PUM1: variants seen among roughly 807,000 people sequenced by gnomAD.
PUM1 encodes the protein pumilio RNA binding family member 1.
A neutral mutation model predicts 131.8 loss-of-function variants in PUM1; 13 were observed. The observed-to-expected ratio is 0.10, with a 90% confidence interval of 0.06 to 0.16. The LOEUF is 0.16. PUM1 is among the 10% of genes least tolerant of loss of function. The pLI, the probability that PUM1 is intolerant of heterozygous loss-of-function variation, is 1.00. For synonymous variants in PUM1, 509 were observed against 556.5 expected (o/e 0.91, Z 1.20); for missense variants, 961 against 1,512.4 (o/e 0.64, Z 6.05).
chr1:30,933,351 G>C lies in PUM1; in HGVS notation c.3436-9C>G. ...GCGATGTGGGGCCGGATCTGGGGAG[G>C]AAAGACAGTCTGTGTTACATGGCCT... On this transcript the variant is annotated splice_polypyrimidine_tract_variant and intron_variant, in intron 21 of 21. Transcript: ENST00000426105. 6.2e-7 allele frequency: 1 copy of C among 1,608,338 alleles called. No homozygotes were observed. The highest frequency in any genetic ancestry group is 2.2e-5 in the East Asian group (1 of 44,506).
intron 10 of PUM1, among the ~76,000 whole-genome samples, chr1:30,970,931 T>C (rs1170917867): frequency 6.6e-6 from 1 of 152,206 alleles, no homozygotes; most frequent in Non-Finnish European, 1.5e-5. Flanking sequence ...AAAGAGGTAG[T>C]CTAAGACTAT....
Position 30,992,573 on chromosome 1 carries a change from C to T in PUM1, c.975G>A (p.Leu325=), listed in dbSNP as rs1305191808. 2 of 1,614,070 alleles carry T rather than the reference C, an allele frequency of 1.2e-6. No individual in the cohort carries two copies. Among genetic ancestry groups the T allele is most frequent in the Non-Finnish European group, 1.7e-6 (2 of 1,180,040 alleles). ...CAGGCTTGGCACCATTGGTGCTGGT[C>T]AGCTGGGCTAAGCCCTCAGAACCAT... ...NQNGSEGLAQ[L]TSTNGAKPVE... is the part of the protein sequence containing the mutation. Residue 325 remains leucine (L), a synonymous_variant, in exon 7 of 22, where the codon CTG becomes CTA. Coordinates refer to ENST00000426105, the MANE Select transcript of PUM1 (RefSeq NM_001020658.2).
intron 14 of PUM1, among the ~76,000 whole-genome samples, chr1:30,957,755 C>CA (rs1490651980): frequency 6.6e-6 from 1 of 152,224 alleles, no homozygotes; most frequent in Admixed American, 6.5e-5. Flanking sequence ...GCCTAATGGG[C>CA]AAAGCCCTGC....
intron 10 of PUM1, among the ~76,000 whole-genome samples, chr1:30,973,861 G>A (rs1487830094): frequency 6.6e-6 from 1 of 151,922 alleles, no homozygotes; most frequent in Non-Finnish European, 1.5e-5. Context: ...AGGCCGAGGC[G>A]GGTGGATCAC....
At chr1:31,005,607 C>A (rs1179934499) in intron 5 of PUM1, among the ~76,000 whole-genome samples, 2 of 152,100 alleles carry the variant, frequency 1.3e-5, no homozygotes, top group Non-Finnish European at 2.9e-5. Flanking sequence ...GTTCTTATCT[C>A]ACAATACTAT....
intron 2 of PUM1, among the ~76,000 whole-genome samples, chr1:31,056,363 C>T (rs1433188544): frequency 6.6e-6 from 1 of 152,078 alleles, no homozygotes; most frequent in African/African-American, 2.4e-5. Flanking sequence ...TCACTGCAAC[C>T]TCCACCTCCC....
intron 2 of PUM1, among the ~76,000 whole-genome samples, chr1:31,046,212 T>G (rs975053442): frequency 1.3e-5 from 2 of 149,638 alleles, no homozygotes; most frequent in African/African-American, 4.9e-5. Flanking sequence ...GAAGGAGAAA[T>G]CCCATCTCTA....
intron 21 of PUM1, 97 bp from the exon 22 acceptor site, chr1:30,933,439 TACACACACACACACACACAC>T (rs58664754): frequency 5.2e-4 from 190 of 363,970 alleles, no homozygotes; most frequent in Middle Eastern, 8.0e-4. Flanking sequence ...CACACACACA[TACACACACACACACACACAC>T]ACACACACAC....
intron 14 of PUM1, among the ~76,000 whole-genome samples, chr1:30,957,921 C>G (rs968567623): frequency 6.6e-6 from 1 of 152,168 alleles, no homozygotes; most frequent in Non-Finnish European, 1.5e-5. Context: ...ATTAAATAAC[C>G]CTGAAAACTG....
intron 11 of PUM1, among the ~76,000 whole-genome samples, chr1:30,967,539 G>T (rs573641855): frequency 3.3e-5 from 5 of 152,180 alleles, no homozygotes; most frequent in Non-Finnish European, 5.9e-5. Context: ...CTGCAAAATA[G>T]CAGGAAAAAC....
At chr1:31,013,613 C>G (rs912583821) in intron 3 of PUM1, among the ~76,000 whole-genome samples, 4 of 152,146 alleles carry the variant, frequency 2.6e-5, no homozygotes, top group African/African-American at 9.7e-5. Flanking sequence ...GACCAACAAC[C>G]AAAACAATTA....
intron 10 of PUM1, among the ~76,000 whole-genome samples, chr1:30,970,342 A>G (rs1016161088): frequency 3.9e-5 from 6 of 152,258 alleles, no homozygotes; most frequent in Non-Finnish European, 7.3e-5. Context: ...ACTGGCAAGA[A>G]GGGATGTGTG....
intron 2 of PUM1, chr1:31,050,914 A>G: frequency 3.9e-6 from 1 of 257,130 alleles, no homozygotes. Flanking sequence ...GCAAAAATTC[A>G]GCCAGGGTTC....
intron 2 of PUM1, among the ~76,000 whole-genome samples, chr1:31,031,115 G>C (rs1288562543): frequency 2.0e-5 from 3 of 151,426 alleles, no homozygotes; most frequent in African/African-American, 7.3e-5. Flanking sequence ...AAATAAAGGA[G>C]GGTAGGGAGG....
chr1:30,954,410 C>T (rs528791065), intron 14 of PUM1, among the ~76,000 whole-genome samples: 1 of 152,250 alleles, frequency 6.6e-6, no homozygotes, highest in Non-Finnish European at 1.5e-5. Context: ...CCCCCATTTC[C>T]ATCTGAAACC....
chr1:31,049,555 G>T (rs901968309), intron 2 of PUM1, among the ~76,000 whole-genome samples: 1 of 150,320 alleles, frequency 6.7e-6, no homozygotes, highest in Non-Finnish European at 1.5e-5. Context: ...TAGTGGACAC[G>T]TATAATCCCA....
At chr1:30,934,379 T>G (rs1032069524) in intron 21 of PUM1, among the ~76,000 whole-genome samples, 2 of 152,164 alleles carry the variant, frequency 1.3e-5, no homozygotes, top group African/African-American at 4.8e-5. Flanking sequence ...TGTACCGCAG[T>G]AGACAGAGGC....
chr1:30,934,854 T>C (rs926692062), intron 21 of PUM1, among the ~76,000 whole-genome samples: 12 of 152,030 alleles, frequency 7.9e-5, no homozygotes, highest in African/African-American at 2.7e-4. Context: ...CACACACACA[T>C]GTTGAACTCC....
At chr1:30,992,158 A>G (rs1312669968) in intron 7 of PUM1, among the ~76,000 whole-genome samples, 1 of 152,224 alleles carries the variant, frequency 6.6e-6, no homozygotes, top group Non-Finnish European at 1.5e-5. Flanking sequence ...AGGAGAGAGA[A>G]GAACCAAAGG....
Sources: allele counts gnomAD v4.1 joint callset (sites outside exome capture counted in the v4.1 genomes callset), GRCh38; gene constraint gnomAD v4.1.1; transcripts MANE v1.5; gene names NCBI Gene and HGNC (gene_info 2026-07-23, HGNC 2026-07-21).